UCHL5: variants seen among roughly 807,000 people sequenced by gnomAD.
The protein encoded by UCHL5 is ubiquitin carboxyl-terminal hydrolase isozyme L5.
In UCHL5, 34 loss-of-function variants were observed where a neutral mutation model predicts 53.8. The observed-to-expected ratio is 0.63, with a 90% CI of 0.48 to 0.84. The LOEUF (loss-of-function observed/expected upper bound fraction) is 0.84. UCHL5 is among the 40% of genes least tolerant of loss of function. UCHL5 has a pLI of 0.00. For synonymous variants in UCHL5, 111 were observed against 126.3 expected, an observed-to-expected ratio of 0.88 and a Z score of 0.81; for missense variants, 290 against 385.6, an observed-to-expected ratio of 0.75 and a Z score of 2.08.
chr1:193,046,772 A>G (rs935054641), intron 3 of UCHL5, among the ~76,000 whole-genome samples: 6 of 150,298 alleles, frequency 4.0e-5, no homozygotes, highest in African/African-American at 1.2e-4. Flanking sequence ...GTAAGCTTTC[A>G]ATAAATGTTA....
intron 3 of UCHL5, among the ~76,000 whole-genome samples, chr1:193,037,560 T>C (rs879818045): frequency 2.6e-5 from 4 of 152,122 alleles, no homozygotes; most frequent in Non-Finnish European, 4.4e-5. Context: ...TAAAGAAGAA[T>C]GAATGCTAAT....
At chr1:193,020,886 A>G (rs1656739683) in intron 10 of UCHL5, among the ~76,000 whole-genome samples, 1 of 150,234 alleles carries the variant, frequency 6.7e-6, no homozygotes, top group South Asian at 2.1e-4. Flanking sequence ...AGAATCTGGA[A>G]GCCTAAAGCA....
intron 7 of UCHL5, among the ~76,000 whole-genome samples, chr1:193,025,483 A>T (rs1244490881): frequency 6.6e-6 from 1 of 152,232 alleles, no homozygotes; most frequent in Non-Finnish European, 1.5e-5. Flanking sequence ...CCAGTGGCAA[A>T]GTAGCCTCAT....
upstream of UCHL5, chr1:193,059,410 C>G (rs767916160): frequency 6.2e-7 from 1 of 1,610,590 alleles, no homozygotes; most frequent in African/African-American, 1.3e-5. The surrounding 1 kb of genome is among the most constrained non-coding windows in gnomAD (Gnocchi z 4.9). Flanking sequence ...CGGGCGCCGT[C>G]ACCTGCAGCG....
At chr1:193,028,171 T>TTTCCTG in intron 6 of UCHL5, 23 bp from the exon 7 acceptor site, 1 of 1,548,222 alleles carries the variant, frequency 6.5e-7, no homozygotes, top group African/African-American at 1.4e-5. Context: ...TTTAAAACAG[T>TTTCCTG]TAACACAAAT....
Position 193,012,450 on chromosome 1 carries a change from G to A in UCHL5, c.*3901C>T, listed in dbSNP as rs962601158. On this transcript the variant is annotated 3_prime_UTR_variant, in exon 11 of 11. Transcript: ENST00000367454. Reference sequence around the variant, plus strand: ...AATAAACCATTTAACCATCAAACATGATTGCAAATTAATATTCTTAATTAT... The same window carrying A: ...AATAAACCATTTAACCATCAAACATAATTGCAAATTAATATTCTTAATTAT... 1 of 151,996 alleles carries A rather than the reference G, an allele frequency of 6.6e-6. No homozygotes were observed. Among genetic ancestry groups the A allele is most frequent in the African/African-American group, 2.4e-5 (1 of 41,372 alleles). 9.4% of individuals were successfully genotyped at this position (151,996 alleles called of 1,614,324 possible).
At chr1:193,059,871 C>G (rs990140768), upstream of UCHL5, 1 of 1,364,672 alleles carries the variant, frequency 7.3e-7, no homozygotes, top group Admixed American at 1.9e-5. The surrounding 1 kb of genome is among the most constrained non-coding windows in gnomAD (Gnocchi z 4.9). Flanking sequence ...ACCCGCATCC[C>G]AGGGGTTGAG....
chr1:193,046,992 T>G (rs1241354328), intron 3 of UCHL5, among the ~76,000 whole-genome samples: 2 of 152,064 alleles, frequency 1.3e-5, no homozygotes, highest in African/African-American at 2.4e-5. Context: ...ATGTACTACA[T>G]ATTATCTCTG....
rs753946906 is a variant in UCHL5 at position 193,059,336 on chromosome 1, T to A, written c.-76A>T. 1.9e-5 allele frequency: 30 copies of A among 1,606,602 alleles called. No individual in the cohort carries two copies. In the Admixed American group the frequency reaches 5.1e-4, roughly 27 times the overall value. On this transcript the variant is annotated 5_prime_UTR_variant, in exon 1 of 11. Transcript: ENST00000367454. This position sits in a 1 kb window ranked among gnomAD's most constrained non-coding sequence, Gnocchi z 4.9. ...CGCACCAGCTGCCGCCGGCCACAGA[T>A]CTCAGCAAACCCGCCGCCGAGCTCG...
intron 7 of UCHL5, among the ~76,000 whole-genome samples, chr1:193,024,656 A>AT (rs1487763850): frequency 6.6e-6 from 1 of 150,682 alleles, no homozygotes; most frequent in African/African-American, 2.4e-5. Flanking sequence ...TGAATGTTTG[A>AT]TTTTCACTAC....
chr1:193,028,438 A>T (rs901549330), intron 6 of UCHL5, among the ~76,000 whole-genome samples: 1 of 152,278 alleles, frequency 6.6e-6, no homozygotes, highest in East Asian at 1.9e-4. Context: ...CACCCATGTT[A>T]ATTTTTTTAA....
chr1:193,027,788 A>G, intron 7 of UCHL5: 3 of 671,484 alleles, frequency 4.5e-6, no homozygotes, highest in Non-Finnish European at 7.0e-6. Context: ...AAATTTAGAG[A>G]TTTTCTGAAA....
intron 3 of UCHL5, among the ~76,000 whole-genome samples, chr1:193,048,775 A>G (rs983030314): frequency 3.3e-5 from 5 of 152,242 alleles, no homozygotes; most frequent in African/African-American, 1.2e-4. Flanking sequence ...AATGTAAAAC[A>G]ATGCAATCTT....
chr1:193,023,082 C>T lies in UCHL5; in HGVS notation c.733-46G>A, dbSNP rs141473169. 1.1e-5 allele frequency: 15 copies of T among 1,316,336 alleles called. No individual in the cohort carries two copies. The African/African-American group carries it at 1.9e-4, about 17-fold the overall frequency. The allele number at this position is 1,316,336 out of a possible 1,614,324, so 81.5% of individuals were successfully genotyped here. On this transcript the variant is annotated intron_variant, in intron 8 of 10. Transcript: ENST00000367454. Reference sequence around the variant, plus strand: ...AAATAGCACACCCTAATAATTGAGGCTTACATTCAGAATATTTTAAAATGA... The same window carrying T: ...AAATAGCACACCCTAATAATTGAGGTTTACATTCAGAATATTTTAAAATGA...
intron 10 of UCHL5, 62 bp downstream of exon 10, chr1:193,021,035 A>T: frequency 7.8e-7 from 1 of 1,285,508 alleles, no homozygotes; most frequent in Non-Finnish European, 1.1e-6. Flanking sequence ...AAAATAAAAA[A>T]TACATTTTAT....
chr1:193,045,958 G>A (rs1295870649), intron 3 of UCHL5, among the ~76,000 whole-genome samples: 1 of 152,146 alleles, frequency 6.6e-6, no homozygotes, highest in African/African-American at 2.4e-5. Context: ...ACAAACAACT[G>A]TGGATTTAAA....
chr1:193,059,531 G>T (rs755906052), upstream of UCHL5: 24 of 1,565,958 alleles, frequency 1.5e-5, no homozygotes, highest in South Asian at 1.2e-4. The surrounding 1 kb of genome is among the most constrained non-coding windows in gnomAD (Gnocchi z 4.9). Flanking sequence ...AAGAAAGGGC[G>T]GTGATTCACA....
chr1:193,059,290 C>T lies in UCHL5; in HGVS notation c.-30G>A, dbSNP rs768890076. 1.1e-5 allele frequency: 18 copies of T among 1,612,696 alleles called. No homozygotes were observed. Among genetic ancestry groups the T allele is most frequent in the Non-Finnish European group, 1.5e-5 (18 of 1,179,548 alleles). On this transcript the variant is annotated 5_prime_UTR_variant, in exon 1 of 11. Transcript: ENST00000367454. This position sits in a 1 kb window ranked among gnomAD's most constrained non-coding sequence, Gnocchi z 4.9. ...CTGGCCACACACCGCCCCGATCCAC[C>T]TCTCGCTCTCAGCTGCCCCCCGCAC...
intron 10 of UCHL5, among the ~76,000 whole-genome samples, chr1:193,017,807 T>C (rs928198761): frequency 3.3e-5 from 5 of 151,418 alleles, no homozygotes; most frequent in Non-Finnish European, 7.4e-5. Context: ...TTTACAGATA[T>C]GATCTCATTT....
Sources: allele counts gnomAD v4.1 joint callset (sites outside exome capture counted in the v4.1 genomes callset), GRCh38; gene constraint gnomAD v4.1.1; non-coding constraint Gnocchi (gnomAD v3.1); transcripts MANE v1.5; gene names NCBI Gene and HGNC (gene_info 2026-07-23, HGNC 2026-07-21).